HPS5: variants seen among roughly 807,000 people sequenced by gnomAD.
HPS5 encodes the protein BLOC-2 complex member HPS5.
In HPS5, 83 loss-of-function variants were observed where a neutral mutation model predicts 128.0. The ratio of observed to expected loss-of-function variants is 0.65; its 90% CI spans 0.54 to 0.78. The LOEUF is 0.78. Among genes scored for constraint, HPS5 ranks in the 30% least tolerant of loss-of-function variants. The pLI, the probability that HPS5 is intolerant of heterozygous loss-of-function variation, is 0.00. For synonymous variants in HPS5, 475 were observed against 470.2 expected (o/e 1.01, Z -0.13); for missense variants, 1,281 against 1,326.2 (o/e 0.97, Z 0.53).
chr11:18,287,065 T>C (rs4756938), intron 18 of HPS5, among the ~76,000 whole-genome samples: 21,160 of 152,044 alleles, frequency 0.14, 1,574 homozygotes, highest in African/African-American at 0.19. Flanking sequence ...TGGGCAACAT[T>C]GTGGCAAATG....
rs138861737 is a variant in HPS5 at position 18,290,753 on chromosome 11, T to C, written c.2440+689A>G. Among the ~76,000 whole-genome samples the C allele has an allele frequency of 2.7e-3, 405 of 152,004 alleles. 2 individuals carry two copies. The highest frequency in any genetic ancestry group is 9.5e-3 in the African/African-American group (393 of 41,446). The stretch of plus-strand genomic sequence containing the variant: ...ACCTGGGCAACACAGTAAGACCCCA[T>C]CTCTATAAAAAAATGAAGAAATCAG... On this transcript the variant is annotated intron_variant, in intron 16 of 22. Coordinates refer to ENST00000349215, the MANE Select transcript of HPS5 (RefSeq NM_181507.2).
Position 18,285,427 on chromosome 11 carries a change from C to T in HPS5, c.2870G>A (p.Ser957Asn), listed in dbSNP as rs747358888. Residue 957 changes from serine (S) to asparagine (N), a missense_variant, in exon 20 of 23, where the codon AGT (serine) becomes AAT (asparagine). Coordinates refer to ENST00000349215, the MANE Select transcript of HPS5 (RefSeq NM_181507.2). Reference protein sequence around the residue: ...PHSHLLSWGYSQLILHLIKLP... With the variant: ...PHSHLLSWGYNQLILHLIKLP... ...TTTAATTAGATGAAGGATCAGCTGA[C>T]TGTAACCCCAGGAAAGCAAGTGTGA... 3 of 1,613,250 alleles carry T rather than the reference C, an allele frequency of 1.9e-6. No homozygotes were observed. The highest frequency in any genetic ancestry group is 2.5e-6 in the Non-Finnish European group (3 of 1,179,392).
intron 12 of HPS5, 190 bp from the exon 13 acceptor site, chr11:18,296,312 C>T (rs1045561525): frequency 6.5e-6 from 4 of 617,032 alleles, no homozygotes; most frequent in South Asian, 2.0e-5. Context: ...CATAAAACAC[C>T]GAGGCAGGTA....
rs561560510 is a variant in HPS5, at chr11:18,280,001, A to G, written c.3330-59T>C. 5.5e-5 allele frequency: 83 copies of G among 1,501,446 alleles called. 1 individual carries two copies. In the African/African-American group the frequency reaches 1.0e-3, roughly 19 times the overall value. 93.0% of individuals were successfully genotyped at this position (1,501,446 alleles called of 1,614,324 possible). A position where few individuals can be genotyped will look rare whatever the true frequency, so the allele number is the denominator to read the frequency against. On this transcript the variant is annotated intron_variant, in intron 22 of 22. Coordinates refer to ENST00000349215, the MANE Select transcript of HPS5 (RefSeq NM_181507.2). Reference sequence around the variant, plus strand: ...AGTTGTCATTGTTCATTCTTCACAGAAAACTTAAAAACTACAGAGTTTCAG... The same window carrying G: ...AGTTGTCATTGTTCATTCTTCACAGGAAACTTAAAAACTACAGAGTTTCAG...
chr11:18,280,983 C>T (rs748044084), intron 22 of HPS5, among the ~76,000 whole-genome samples: 4 of 151,624 alleles, frequency 2.6e-5, no homozygotes, highest in African/African-American at 7.3e-5. Flanking sequence ...TAACTTAATA[C>T]CACTGAGCTG....
chr11:18,294,363 A>AT (rs1554934464), intron 14 of HPS5, among the ~76,000 whole-genome samples: 7 of 152,134 alleles, frequency 4.6e-5, no homozygotes, highest in Non-Finnish European at 7.4e-5. Context: ...CTATTGCTTG[A>AT]TGAGTCCTTG....
chr11:18,318,892 T>C lies in HPS5; in HGVS notation c.-49-985A>G, dbSNP rs374822971. Among the ~76,000 whole-genome samples the C allele has an allele frequency of 2.6e-5, 4 of 152,306 alleles. No individual in the cohort carries two copies. In the East Asian group the frequency reaches 7.7e-4, roughly 29 times the overall value. On this transcript the variant is annotated intron_variant, in intron 1 of 22. Coordinates refer to ENST00000349215, the MANE Select transcript of HPS5 (RefSeq NM_181507.2). ...ACGTGCCAGACATTATTCTAGGTCC[T>C]GGAGATGATAAAGTTCTAACCCTCA...
chr11:18,292,314 G>A (rs1279394780), intron 15 of HPS5, among the ~76,000 whole-genome samples: 1 of 150,728 alleles, frequency 6.6e-6, no homozygotes, highest in African/African-American at 2.4e-5. Flanking sequence ...TCCCACCTCA[G>A]CCTCCTGAGT....
chr11:18,289,399 G>A (rs1045495506), intron 16 of HPS5, among the ~76,000 whole-genome samples: 38 of 152,298 alleles, frequency 2.5e-4, no homozygotes, highest in African/African-American at 7.9e-4. Flanking sequence ...AGCACTGGTA[G>A]TAACAACTAT....
At chr11:18,301,602 T>C (rs1219125912) in intron 8 of HPS5, among the ~76,000 whole-genome samples, 1 of 151,864 alleles carries the variant, frequency 6.6e-6, no homozygotes. Context: ...AAGACTAACA[T>C]CTTACTGCCA....
At chr11:18,304,271 C>T (rs965428604) in intron 8 of HPS5, among the ~76,000 whole-genome samples, 2 of 148,686 alleles carry the variant, frequency 1.3e-5, no homozygotes, top group Non-Finnish European at 3.0e-5. Context: ...GGCTGGAGTG[C>T]AATGGCACGA....
intron 4 of HPS5, 140 bp from the exon 5 acceptor site, chr11:18,311,073 A>G: frequency 2.8e-6 from 2 of 719,156 alleles, no homozygotes; most frequent in South Asian, 3.2e-5. Context: ...AAGTCAAGGT[A>G]TTAATTTCCT....
At chr11:18,317,338 C>G (rs942304025) in intron 2 of HPS5, among the ~76,000 whole-genome samples, 6 of 151,392 alleles carry the variant, frequency 4.0e-5, no homozygotes, top group African/African-American at 1.5e-4. Context: ...TCACTGCAAC[C>G]TCCACCTCCC....
chr11:18,305,608 G>C, intron 7 of HPS5, 115 bp from the exon 8 acceptor site: 1 of 697,178 alleles, frequency 1.4e-6, no homozygotes, highest in Non-Finnish European at 2.5e-6. Context: ...GAGCCTAACT[G>C]CATCTGCCCT....
chr11:18,302,467 T>C (rs1002004687), intron 8 of HPS5, among the ~76,000 whole-genome samples: 3 of 152,220 alleles, frequency 2.0e-5, no homozygotes, highest in Admixed American at 6.5e-5. Flanking sequence ...TCTGCTCATA[T>C]GGCACTTAAT....
At chr11:18,296,206 T>C (rs1001492180) in intron 12 of HPS5, 84 bp from the exon 13 acceptor site, 66 of 1,418,304 alleles carry the variant, frequency 4.7e-5, no homozygotes, top group Non-Finnish European at 6.1e-5. Flanking sequence ...CTGAAATGAA[T>C]AAACCGAAAG....
rs1860116646 is a variant in HPS5 at position 18,289,291 on chromosome 11, G to A, written c.2441-1278C>T. 2.0e-5 allele frequency among the ~76,000 whole-genome samples: 3 copies of A among 152,294 alleles called. No individual in the cohort carries two copies. The South Asian group carries it at 6.2e-4, about 32-fold the overall frequency. ...GGAGGAGGCCATTCAGAGGTTTGGGGAAGCCTGATGACTGCGCGGGAGCTA... is the reference window on the plus strand; with the variant it reads ...GGAGGAGGCCATTCAGAGGTTTGGGAAAGCCTGATGACTGCGCGGGAGCTA... On this transcript the variant is annotated intron_variant, in intron 16 of 22. Transcript: ENST00000349215.
rs529188820 is a variant in HPS5 at position 18,306,158 on chromosome 11, T to G, written c.801A>C (p.Pro267=). ...THQFKKLLSL[P]PLPVITLRSE... is the part of the protein sequence containing the mutation. ...ACCTGAGAGTAATCACAGGGAGAGG[T>G]GGCAACGAGAGGAGTTTCTTGAACT... Residue 267 remains proline, a synonymous_variant, in exon 7 of 23, where the codon CCA becomes CCC. Coordinates refer to ENST00000349215, the MANE Select transcript of HPS5 (RefSeq NM_181507.2). The G allele has an allele frequency of 6.8e-6, 11 of 1,612,920 alleles. No homozygotes were observed. In the African/African-American group the frequency reaches 8.0e-5, roughly 12 times the overall value.
intron 1 of HPS5, among the ~76,000 whole-genome samples, chr11:18,319,033 G>C (rs573386807): frequency 1.3e-4 from 19 of 150,950 alleles, no homozygotes; most frequent in Non-Finnish European, 2.5e-4. Flanking sequence ...TCTGCAAGGA[G>C]AATGTTCAGG....
Sources: allele counts gnomAD v4.1 joint callset (sites outside exome capture counted in the v4.1 genomes callset), GRCh38; gene constraint gnomAD v4.1.1; transcripts MANE v1.5; gene names NCBI Gene and HGNC (gene_info 2026-07-23, HGNC 2026-07-21).